The following BRD3 variants were observed in gnomAD, a reference collection of about 807,000 sequenced individuals.
BRD3 encodes the protein bromodomain-containing protein 3.
In BRD3, 17 loss-of-function variants were observed where a neutral mutation model predicts 66.8. The ratio of observed to expected loss-of-function variants is 0.25; its 90% CI spans 0.17 to 0.38. BRD3 has a LOEUF of 0.38. Among genes scored for constraint, BRD3 ranks in the 10% least tolerant of loss-of-function variants. BRD3 has a pLI of 1.00. For synonymous variants in BRD3, 421 were observed against 393.2 expected (o/e 1.07, Z -0.84); for missense variants, 713 against 956.1 (o/e 0.75, Z 3.35).
At chr9:134,044,278 T>C (rs1359096627) in intron 7 of BRD3, among the ~76,000 whole-genome samples, 5 of 152,062 alleles carry the variant, frequency 3.3e-5, no homozygotes, top group African/African-American at 9.7e-5. Flanking sequence ...GAGAGGACCT[T>C]GGGTAGGCCC....
Position 134,051,871 on chromosome 9 carries a change from G to GTTTTTTTTT in BRD3, c.352-163_352-162insAAAAAAAAA, listed in dbSNP as rs1564555774. On this transcript the variant is annotated intron_variant, in intron 3 of 11. Coordinates refer to ENST00000303407, the MANE Select transcript of BRD3 (RefSeq NM_007371.4). ...TATGTGTGTGTGTGTGTGTGTGTGT[G>GTTTTTTTTT]TGTGTGTTGTTTTTTTTGTTTTTTT... Among the ~76,000 whole-genome samples the GTTTTTTTTT allele has an allele frequency of 1.2e-4, 13 of 110,542 alleles. 1 individual carries two copies. Among genetic ancestry groups the GTTTTTTTTT allele is most frequent in the African/African-American group, 4.7e-4 (11 of 23,300 alleles). The allele number at this position is 110,542 out of a possible 152,430, so 72.5% of individuals were successfully genotyped here. A position where few individuals can be genotyped will look rare whatever the true frequency, so the allele number is the denominator to read the frequency against.
Position 134,033,677 on chromosome 9 carries a change from GC to G in BRD3, c.2093del (p.Gly698AlafsTer72). On this transcript the variant is annotated frameshift_variant, in exon 12 of 12. Transcript: ENST00000303407. LOFTEE classifies it high-confidence loss of function. This position sits in a 1 kb window ranked among gnomAD's most constrained non-coding sequence, Gnocchi z 5.1. ...KEKPGSAPSG[G>X]PSRLSSSSSS... ...AGCTGCTGCTGCTGAGCCTGGACGG[GC>G]CCCCTGAGGGTGCTGAGCCGGGCTT... 2 of 760,378 alleles carry G rather than the reference GC, an allele frequency of 2.6e-6. No homozygotes were observed. Among genetic ancestry groups the G allele is most frequent in the Non-Finnish European group, 2.4e-6 (1 of 409,756 alleles). The allele number at this position is 760,378 out of a possible 1,614,324, so 47.1% of individuals were successfully genotyped here. A position where few individuals can be genotyped will look rare whatever the true frequency, so the allele number is the denominator to read the frequency against.
chr9:134,033,050 T>A lies in BRD3; in HGVS notation c.*540A>T. ...GCTGGGGCTGCGATGACCCTTCGCT[T>A]AGGCCCAGCCTGGTCTCCACAAGCA... On this transcript the variant is annotated 3_prime_UTR_variant, in exon 12 of 12. Transcript: ENST00000303407. The surrounding 1 kb of genome is among the most constrained non-coding windows in gnomAD (Gnocchi z 5.1). 1 of 398,358 alleles carries A rather than the reference T, an allele frequency of 2.5e-6. No homozygotes were observed. The highest frequency in any genetic ancestry group is 3.6e-5 in the East Asian group (1 of 28,062). The allele number at this position is 398,358 out of a possible 1,614,324, so 24.7% of individuals were successfully genotyped here. A position where few individuals can be genotyped will look rare whatever the true frequency, so the allele number is the denominator to read the frequency against.
chr9:134,048,209 CCT>C lies in BRD3; in HGVS notation c.958_959del (p.Arg320GlyfsTer59). 1 of 1,612,882 alleles carries C rather than the reference CCT, an allele frequency of 6.2e-7. No homozygotes were observed. The highest frequency in any genetic ancestry group is 2.2e-5 in the East Asian group (1 of 44,880). Reference sequence around the variant, plus strand: ...CCGCGTGCTTCTTGGATAGCATCTCCCTGAGGATGCTGTCGCAGTAGCGTAGG... The same window carrying C: ...CCGCGTGCTTCTTGGATAGCATCTCCGAGGATGCTGTCGCAGTAGCGTAGG... ...EHLRYCDSILREMLSKKHAAY... is the reference protein window; with the variant it reads ...EHLRYCDSILXEMLSKKHAAY... On this transcript the variant is annotated frameshift_variant, in exon 6 of 12. Transcript: ENST00000303407. LOFTEE classifies it high-confidence loss of function.
At chr9:134,068,373 G>A (rs1283272296), upstream of BRD3, 1 of 150,050 alleles carries the variant, frequency 6.7e-6, no homozygotes, top group South Asian at 2.1e-4. Flanking sequence ...GGTGCCCCAG[G>A]ACGGCATGGA....
At position 134,040,036 on chromosome 9, in the gene BRD3, G is replaced by C; in HGVS notation, c.1641C>G (p.Gly547=). The change falls in exon 9 of 12, where the codon GGC becomes GGG. Residue 547 remains glycine, a splice_region_variant and synonymous_variant. Coordinates refer to ENST00000303407, the MANE Select transcript of BRD3 (RefSeq NM_007371.4). The part of the protein sequence containing the change: ...AKKANSTTTA[G]RQLKKGGKQA... The stretch of plus-strand genomic sequence containing the variant: ...GCCCGAGCAGGTCTGGAGCCCACCT[G>C]CCGGCCGTGGTCGTGCTGTTGGCCT... 2.5e-6 allele frequency: 4 copies of C among 1,586,904 alleles called. No individual in the cohort carries two copies. Among genetic ancestry groups the C allele is most frequent in the Non-Finnish European group, 3.4e-6 (4 of 1,169,556 alleles).
rs149036183 is a variant in BRD3 at position 134,034,697 on chromosome 9, G to GT, written c.2065+3dup. The GT allele has an allele frequency of 3.1e-3, 4,911 of 1,603,468 alleles. 128 individuals carry two copies. In the African/African-American group the frequency reaches 0.055, roughly 18 times the overall value. On this transcript the variant is annotated splice_donor_region_variant and intron_variant, in intron 11 of 11. Coordinates refer to ENST00000303407, the MANE Select transcript of BRD3 (RefSeq NM_007371.4). ...AGGGGTGGCACAGCGGCCGCCAGCGGTACCTTTCCGGGCGGGCTTCTTGCT... is the reference window on the plus strand; with the variant it reads ...AGGGGTGGCACAGCGGCCGCCAGCGGTTACCTTTCCGGGCGGGCTTCTTGCT...
intron 2 of BRD3, among the ~76,000 whole-genome samples, chr9:134,052,912 C>A (rs1830334584): frequency 6.6e-6 from 1 of 152,250 alleles, no homozygotes; most frequent in African/African-American, 2.4e-5. Flanking sequence ...CGGCCTCTAA[C>A]TCCAAGTGGG....
intron 6 of BRD3, 192 bp downstream of exon 6, chr9:134,047,891 G>T: frequency 1.4e-6 from 1 of 697,076 alleles, no homozygotes; most frequent in Non-Finnish European, 2.2e-6. Context: ...GGGACCCACA[G>T]GCAGAGCACG....
chr9:134,062,606 G>A (rs7045963), intron 1 of BRD3, among the ~76,000 whole-genome samples: 23,018 of 151,844 alleles, frequency 0.15, 1,888 homozygotes, highest in Middle Eastern at 0.29. Flanking sequence ...TCCAAGCTCC[G>A]TCCCTACCCG....
At chr9:134,034,076 C>T (rs866510925) in intron 11 of BRD3, among the ~76,000 whole-genome samples, 33 of 152,164 alleles carry the variant, frequency 2.2e-4, no homozygotes, top group South Asian at 1.0e-3. Flanking sequence ...ACCCCTTCAG[C>T]GGGCAGGGTC....
chr9:134,032,649 G>T lies in BRD3; in HGVS notation c.*941C>A, dbSNP rs1388746853. On this transcript the variant is annotated 3_prime_UTR_variant, in exon 12 of 12. Coordinates refer to ENST00000303407, the MANE Select transcript of BRD3 (RefSeq NM_007371.4). Reference sequence around the variant, plus strand: ...ACTGTGTGAATGCATTTCTTCTGCGGTTTTTTCTTATTTTCTTTTTTTTAA... The same window carrying T: ...ACTGTGTGAATGCATTTCTTCTGCGTTTTTTTCTTATTTTCTTTTTTTTAA... The T allele has an allele frequency of 8.8e-6, 2 of 226,908 alleles. No individual in the cohort carries two copies. The highest frequency in any genetic ancestry group is 1.8e-5 in the Non-Finnish European group (2 of 114,188). The allele number at this position is 226,908 out of a possible 1,614,324, so 14.1% of individuals were successfully genotyped here.
chr9:134,034,836 G>C lies in BRD3; in HGVS notation c.1937-7C>G. The C allele has an allele frequency of 2.5e-6, 4 of 1,611,042 alleles. No individual in the cohort carries two copies. Among genetic ancestry groups the C allele is most frequent in the Non-Finnish European group, 3.4e-6 (4 of 1,180,006 alleles). On this transcript the variant is annotated splice_region_variant and splice_polypyrimidine_tract_variant and intron_variant, in intron 10 of 11. Transcript: ENST00000303407. ...TGTTTCTTCCCGCTTGCTGCTGTCGGGGAACAAATGGGCACTCAGACTGCA... is the reference window on the plus strand; with the variant it reads ...TGTTTCTTCCCGCTTGCTGCTGTCGCGGAACAAATGGGCACTCAGACTGCA...
chr9:134,067,685 G>C (rs1458456559), intron 1 of BRD3, among the ~76,000 whole-genome samples: 8 of 146,134 alleles, frequency 5.5e-5, no homozygotes. Context: ...CGGCCAAGCG[G>C]GAGCGGGAGG....
chr9:134,032,904 T>C lies in BRD3; in HGVS notation c.*686A>G, dbSNP rs1343426996. ...TTTAAAGTTGAGGTAAAAGCTTCAGTGTATGGAAACCTGCAGGCTGCATAC... is the reference window on the plus strand; with the variant it reads ...TTTAAAGTTGAGGTAAAAGCTTCAGCGTATGGAAACCTGCAGGCTGCATAC... On this transcript the variant is annotated 3_prime_UTR_variant, in exon 12 of 12. Transcript: ENST00000303407. The C allele has an allele frequency of 5.3e-6, 2 of 375,710 alleles. No individual in the cohort carries two copies. Among genetic ancestry groups the C allele is most frequent in the South Asian group, 1.5e-4 (1 of 6,798 alleles). 23.3% of individuals were successfully genotyped at this position (375,710 alleles called of 1,614,324 possible). A position where few individuals can be genotyped will look rare whatever the true frequency, so the allele number is the denominator to read the frequency against.
rs1843501046 is a variant in BRD3, at chr9:134,030,836, G to A, written c.*2754C>T. 4.3e-6 allele frequency: 1 copy of A among 232,364 alleles called. No individual in the cohort carries two copies. Among genetic ancestry groups the A allele is most frequent in the African/African-American group, 2.2e-5 (1 of 45,292 alleles). The allele number at this position is 232,364 out of a possible 1,614,324, so 14.4% of individuals were successfully genotyped here. On this transcript the variant is annotated 3_prime_UTR_variant, in exon 12 of 12. Coordinates refer to ENST00000303407, the MANE Select transcript of BRD3 (RefSeq NM_007371.4). The stretch of plus-strand genomic sequence containing the variant: ...CGAAGCCTGCCCCCTCGGCCTCCAG[G>A]GGTCATTCAGAGTGTTCTCAAATCC...
chr9:134,044,223 C>T (rs115336658), intron 7 of BRD3, among the ~76,000 whole-genome samples: 2,876 of 152,308 alleles, frequency 0.019, 82 homozygotes, highest in African/African-American at 0.064. Context: ...TCATCACCCA[C>T]AGGACCCAGT....
intron 4 of BRD3, among the ~76,000 whole-genome samples, chr9:134,051,116 C>G (rs1296613563): frequency 6.6e-6 from 1 of 152,222 alleles, no homozygotes. Flanking sequence ...TCCCTGACAG[C>G]AAGACGCGGT....
intron 1 of BRD3, among the ~76,000 whole-genome samples, chr9:134,066,172 C>A (rs774501344): frequency 1.3e-5 from 2 of 152,198 alleles, no homozygotes; most frequent in African/African-American, 4.8e-5. Context: ...GCTGCTCCCA[C>A]AGTCTTTCCA....
Sources: gnomAD v4.1 joint callset for allele counts (sites outside exome capture counted in the v4.1 genomes callset) on GRCh38, gnomAD v4.1.1 for gene constraint, Gnocchi (gnomAD v3.1) non-coding constraint, MANE v1.5 for transcripts, NCBI Gene and HGNC (gene_info 2026-07-23, HGNC 2026-07-21) for gene names.